The following ITPR1 variants were observed in gnomAD, a reference collection of about 807,000 sequenced individuals.
ITPR1 encodes inositol 1,4,5-trisphosphate-gated calcium channel ITPR1.
ITPR1 carries 96 observed loss-of-function variants against 318.4 expected under a neutral mutation model. The observed-to-expected ratio is 0.30, with a 90% CI of 0.26 to 0.36. The LOEUF is 0.36. ITPR1 is among the 10% of genes least tolerant of loss of function. The pLI, the probability that ITPR1 is intolerant of heterozygous loss-of-function variation, is 1.00. For synonymous variants in ITPR1, 1,312 were observed against 1,289.9 expected (o/e 1.02, Z -0.37); for missense variants, 2,440 against 3,460.2 (o/e 0.71, Z 7.40).
At chr3:4,601,477 G>A (rs1275519410) in intron 4 of ITPR1, among the ~76,000 whole-genome samples, 1 of 148,480 alleles carries the variant, frequency 6.7e-6, no homozygotes, top group Middle Eastern at 3.2e-3. Context: ...TGTAGCCTGG[G>A]CAATGGAGTG....
In ITPR1 at chr3:4,546,524, G is replaced by A. The variant is rs368538678; in HGVS notation, c.163+25430G>A. Among the ~76,000 whole-genome samples the A allele has an allele frequency of 1.8e-4, 28 of 152,288 alleles. No homozygotes were observed. In the East Asian group the frequency reaches 3.7e-3, roughly 20 times the overall value. On this transcript the variant is annotated intron_variant, in intron 4 of 61. Coordinates refer to ENST00000649015, the MANE Select transcript of ITPR1 (RefSeq NM_001378452.1). Reference sequence around the variant, plus strand: ...GGAGTTCTTGCCTCAGACAGAGCTCGTGCACCGTTCACTCTAGCTGGTGTT... The same window carrying A: ...GGAGTTCTTGCCTCAGACAGAGCTCATGCACCGTTCACTCTAGCTGGTGTT...
intron 40 of ITPR1, chr3:4,724,549 G>A (rs1472456996): frequency 6.6e-6 from 1 of 152,170 alleles, no homozygotes; most frequent in African/African-American, 2.4e-5. Context: ...TTTGTCTCGT[G>A]GCCTCAGACT....
chr3:4,798,989 G>A (rs2048058243), intron 53 of ITPR1, among the ~76,000 whole-genome samples: 1 of 152,232 alleles, frequency 6.6e-6, no homozygotes, highest in South Asian at 2.1e-4. Context: ...TGATAAAAAT[G>A]TTCTGTATCT....
At chr3:4,552,077 T>C (rs11720109) in intron 4 of ITPR1, among the ~76,000 whole-genome samples, 31,074 of 152,132 alleles carry the variant, frequency 0.2, 3,489 homozygotes, top group Middle Eastern at 0.26. Context: ...CAGAAATTAT[T>C]TGGATAATTC....
intron 61 of ITPR1, among the ~76,000 whole-genome samples, chr3:4,842,101 A>G (rs2051388112): frequency 6.6e-6 from 1 of 152,260 alleles, no homozygotes; most frequent in African/African-American, 2.4e-5. Context: ...TTCCAGTGCC[A>G]GCCTTTAATC....
intron 5 of ITPR1, among the ~76,000 whole-genome samples, chr3:4,628,838 A>G (rs2092924238): frequency 6.6e-6 from 1 of 152,200 alleles, no homozygotes; most frequent in African/African-American, 2.4e-5. Context: ...CAGTGATGAC[A>G]GTTGAAGACC....
chr3:4,732,668 T>C (rs962186760), intron 42 of ITPR1, among the ~76,000 whole-genome samples: 4 of 152,248 alleles, frequency 2.6e-5, no homozygotes, highest in Non-Finnish European at 4.4e-5. Context: ...TACCCTGATA[T>C]CTTAATATTT....
intron 29 of ITPR1, 73 bp from the exon 30 acceptor site, chr3:4,684,996 G>C: frequency 6.7e-7 from 1 of 1,490,916 alleles, no homozygotes; most frequent in African/African-American, 1.4e-5. Context: ...CTCCCTGCCC[G>C]CCACCACCCT....
chr3:4,744,348 C>G (rs113162004), intron 44 of ITPR1, among the ~76,000 whole-genome samples: 60 of 152,354 alleles, frequency 3.9e-4, no homozygotes, highest in African/African-American at 6.5e-4. Context: ...GAGGTCTGTG[C>G]TCTTCCTAAC....
chr3:4,673,294 A>T lies in ITPR1; in HGVS notation c.2363A>T (p.His788Leu). 6.2e-7 allele frequency: 1 copy of T among 1,613,844 alleles called. No homozygotes were observed. Residue 788 changes from histidine (H) to leucine (L), a missense_variant, in exon 21 of 62, where the codon CAC becomes CTC. Physicochemically the swap from His to Leu is moderately conservative, Grantham distance 99. Around this residue, in one of 23 missense-constraint regions of ITPR1, gnomAD observed 478 missense variants for 696.3 expected, o/e 0.69. Transcript: ENST00000649015. ...LRASFCRLML[H>L]MHVDRDPQEQ... ...GCGTCCTTCTGCCGCCTCATGCTTC[A>T]CATGCATGTGGACCGAGATCCCCAG...
intron 2 of ITPR1, among the ~76,000 whole-genome samples, chr3:4,495,720 A>T (rs2080504238): frequency 6.6e-6 from 1 of 152,204 alleles, no homozygotes; most frequent in African/African-American, 2.4e-5. Context: ...GATGCAGGTG[A>T]AGAAACTGAG....
chr3:4,538,857 C>A (rs1461048283), intron 4 of ITPR1, among the ~76,000 whole-genome samples: 1 of 152,066 alleles, frequency 6.6e-6, no homozygotes, highest in Non-Finnish European at 1.5e-5. Context: ...AGGGGAGCAA[C>A]ACACACTGGG....
chr3:4,693,889 CT>C, intron 33 of ITPR1, 148 bp downstream of exon 33: 2 of 792,102 alleles, frequency 2.5e-6, no homozygotes, highest in Middle Eastern at 7.6e-4. Flanking sequence ...TTTCAGTTCC[CT>C]AAAACATTTT....
chr3:4,783,998 G>T (rs1263096663), intron 51 of ITPR1, 78 bp downstream of exon 51: 8 of 967,520 alleles, frequency 8.3e-6, no homozygotes, highest in Non-Finnish European at 1.3e-5. Flanking sequence ...GGGCTGGCGT[G>T]CATTCATTCA....
At chr3:4,500,557 C>T (rs986162686) in intron 2 of ITPR1, among the ~76,000 whole-genome samples, 7 of 152,208 alleles carry the variant, frequency 4.6e-5, no homozygotes, top group Non-Finnish European at 8.8e-5. Context: ...TTGTCATCCT[C>T]ATCTTACAGA....
At chr3:4,554,964 G>A (rs1358052240) in intron 4 of ITPR1, among the ~76,000 whole-genome samples, 1 of 152,160 alleles carries the variant, frequency 6.6e-6, no homozygotes, top group Admixed American at 6.5e-5. Flanking sequence ...CATGTGTGGG[G>A]AATAGGGGTG....
intron 56 of ITPR1, 116 bp downstream of exon 56, chr3:4,811,576 A>T (rs953530502): frequency 2.7e-6 from 2 of 744,992 alleles, no homozygotes; most frequent in South Asian, 2.0e-5. Flanking sequence ...TATCTCCCTA[A>T]CACGCAGAGT....
chr3:4,649,442 T>C (rs1480810695), intron 10 of ITPR1, among the ~76,000 whole-genome samples: 22 of 152,236 alleles, frequency 1.4e-4, no homozygotes, highest in Non-Finnish European at 1.0e-4. Flanking sequence ...GTTTACATTA[T>C]ATGTCTGTAG....
chr3:4,643,468 A>G (rs1002728527), intron 7 of ITPR1, among the ~76,000 whole-genome samples: 2 of 152,214 alleles, frequency 1.3e-5, no homozygotes, highest in African/African-American at 4.8e-5. Context: ...AATATTTTAC[A>G]AAGAATAGGT....
Sources: gnomAD v4.1 joint callset for allele counts (sites outside exome capture counted in the v4.1 genomes callset) on GRCh38, gnomAD v4.1.1 for gene constraint, gnomAD v4.1.1 regional missense constraint, MANE v1.5 for transcripts, NCBI Gene and HGNC (gene_info 2026-07-23, HGNC 2026-07-21) for gene names.